The following CLDN14 variants were observed in gnomAD, a reference collection of about 807,000 sequenced individuals.
CLDN14 encodes the protein claudin-14.
In CLDN14, 2 loss-of-function variants were observed where a neutral mutation model predicts 2.1. That is an observed-to-expected ratio of 0.96 (90% CI 0.39 to 3.01). The LOEUF (loss-of-function observed/expected upper bound fraction) is 3.01, where lower values mean the gene tolerates loss of function less well. CLDN14 is among the 30% of genes most tolerant of loss of function. The pLI, the probability that CLDN14 is intolerant of heterozygous loss-of-function variation, is 0.09. For missense variants in CLDN14, 298 were observed against 328.0 expected (o/e 0.91, Z 0.71); for synonymous variants, 136 against 154.4 (o/e 0.88, Z 0.88).
chr21:36,505,011 C>A (rs1010625989), intron 2 of CLDN14, among the ~76,000 whole-genome samples: 1 of 152,102 alleles, frequency 6.6e-6, no homozygotes, highest in Non-Finnish European at 1.5e-5. Flanking sequence ...ATTTTCCCTG[C>A]TGGGTGAGAA....
At chr21:36,503,741 A>C (rs1695295460) in intron 2 of CLDN14, among the ~76,000 whole-genome samples, 1 of 152,224 alleles carries the variant, frequency 6.6e-6, no homozygotes, top group Admixed American at 6.5e-5. Context: ...TCTGATTAAT[A>C]TCAATGCATT....
chr21:36,464,982 C>A (rs1228245095), intron 1 of CLDN14, among the ~76,000 whole-genome samples: 1 of 152,198 alleles, frequency 6.6e-6, no homozygotes, highest in Non-Finnish European at 1.5e-5. Context: ...AATGGCCTTG[C>A]CCCTTTTGCA....
chr21:36,466,275 G>C (rs1195502456), intron 1 of CLDN14: 2 of 152,358 alleles, frequency 1.3e-5, no homozygotes, highest in East Asian at 3.9e-4. Flanking sequence ...TGGTGAGATA[G>C]AGTGGGTTGC....
In CLDN14 at chr21:36,498,073, C is replaced by G. The variant is rs1180360396; in HGVS notation, c.-82+12290G>C. 3.3e-5 allele frequency among the ~76,000 whole-genome samples: 5 copies of G among 151,612 alleles called. No individual in the cohort carries two copies. Among genetic ancestry groups the G allele is most frequent in the Non-Finnish European group, 7.4e-5 (5 of 67,956 alleles). On this transcript the variant is annotated intron_variant, in intron 2 of 2. Coordinates refer to the CLDN14 transcript ENST00000342108. The surrounding 1 kb of genome is among the most constrained non-coding windows in gnomAD (Gnocchi z 4.9). ...GGAGTGCAGTGGTGCAATCTTGGCT[C>G]ACTGCAACCTCCACCGCCCGGGGTT... is the stretch of plus-strand genomic sequence containing the variant.
chr21:36,487,368 T>A (rs1412037151), intron 2 of CLDN14: 2 of 214,006 alleles, frequency 9.3e-6, no homozygotes, highest in African/African-American at 4.7e-5. Flanking sequence ...ATTCTGCACA[T>A]ACTCACTGTT....
chr21:36,486,304 G>T, intron 2 of CLDN14: 1 of 802,382 alleles, frequency 1.2e-6, no homozygotes, highest in East Asian at 2.5e-5. Flanking sequence ...AACTCTTGTT[G>T]GCTAATGGTC....
intron 2 of CLDN14, among the ~76,000 whole-genome samples, chr21:36,505,154 G>A (rs2087121223): frequency 6.6e-6 from 1 of 152,194 alleles, no homozygotes; most frequent in African/African-American, 2.4e-5. Context: ...TGGACAGTAA[G>A]TATCTCAAAA....
At position 36,461,436 on chromosome 21, in the gene CLDN14, G is replaced by C. The variant is rs777529810; in HGVS notation, c.260C>G (p.Ser87Cys). Residue 87 changes from serine (S) to cysteine (C), a missense_variant, in exon 2 of 2, where the codon TCC becomes TGC. By Grantham distance (112) the Ser-to-Cys change is moderately radical. Coordinates refer to ENST00000399135, the MANE Select transcript of CLDN14 (RefSeq NM_001146079.2). ...LQAARALMVI[S>C]CLLSGIACAC... ...GCAGGCTATGCCCGAGAGCAGGCAG[G>C]AGATGACCATGAGGGCGCGGGCAGC... 6.2e-7 allele frequency: 1 copy of C among 1,613,372 alleles called. No homozygotes were observed.
At chr21:36,536,230 C>T (rs1198098835) in intron 1 of CLDN14, among the ~76,000 whole-genome samples, 3 of 152,222 alleles carry the variant, frequency 2.0e-5, no homozygotes, top group African/African-American at 7.2e-5. Flanking sequence ...CAGCTGACAT[C>T]TGCCTGTACC....
At chr21:36,534,565 G>A (rs927577548) in intron 1 of CLDN14, among the ~76,000 whole-genome samples, 2 of 152,122 alleles carry the variant, frequency 1.3e-5, no homozygotes, top group Non-Finnish European at 2.9e-5. Flanking sequence ...TGGGGTGAGC[G>A]GGCAATAAGG....
intron 2 of CLDN14, among the ~76,000 whole-genome samples, chr21:36,497,417 G>C (rs1176596487): frequency 5.8e-4 from 76 of 130,202 alleles, no homozygotes; most frequent in African/African-American, 2.1e-3. Context: ...GAGGGAGGAA[G>C]GGAGGGAGGC....
chr21:36,541,187 A>G (rs973949174), intron 1 of CLDN14, among the ~76,000 whole-genome samples: 7 of 152,238 alleles, frequency 4.6e-5, no homozygotes, highest in African/African-American at 1.7e-4. Context: ...AGAGTTCTTC[A>G]TCTTCTGCAG....
intron 2 of CLDN14, chr21:36,486,967 T>G: frequency 2.2e-6 from 1 of 448,536 alleles, no homozygotes. Flanking sequence ...GTTCTCAGGG[T>G]TGCTGTGGAT....
chr21:36,486,525 CT>C, intron 2 of CLDN14: 1 of 1,564,668 alleles, frequency 6.4e-7, no homozygotes, highest in Non-Finnish European at 8.8e-7. Flanking sequence ...ATGGCACCCC[CT>C]TCCCCAGCCA....
At position 36,544,901 on chromosome 21, in the gene CLDN14, A is replaced by G. The variant is rs1484125345; in HGVS notation, c.-220+31510T>C. Among the ~76,000 whole-genome samples, 2 of 152,250 alleles carry G rather than the reference A, an allele frequency of 1.3e-5. No individual in the cohort carries two copies. The highest frequency in any genetic ancestry group is 4.8e-5 in the African/African-American group (2 of 41,466). ...AAAACCACAATGCTCTCTGTTATTA[A>G]TCCTGGCTACTGCAGCGGGTGCCAA... On this transcript the variant is annotated intron_variant, in intron 1 of 2. Coordinates refer to the CLDN14 transcript ENST00000342108. This position sits in a 1 kb window ranked among gnomAD's most constrained non-coding sequence, Gnocchi z 4.1.
At chr21:36,568,715 A>G (rs1036667195) in intron 1 of CLDN14, among the ~76,000 whole-genome samples, 6 of 152,096 alleles carry the variant, frequency 3.9e-5, no homozygotes, top group African/African-American at 7.2e-5. Flanking sequence ...ACAGAGTGAG[A>G]CCCTGTCCCA....
chr21:36,517,856 A>G (rs1206635016), intron 1 of CLDN14, among the ~76,000 whole-genome samples: 1 of 152,162 alleles, frequency 6.6e-6, no homozygotes, highest in African/African-American at 2.4e-5. Flanking sequence ...GCGCTCCCTA[A>G]TGTGGGTGGG....
intron 1 of CLDN14, among the ~76,000 whole-genome samples, chr21:36,556,130 C>T (rs907753712): frequency 3.3e-5 from 5 of 152,136 alleles, no homozygotes; most frequent in African/African-American, 1.2e-4. Context: ...CAGCTCACCT[C>T]GGGGACCCTT....
At chr21:36,481,784 C>T (rs1014633831), upstream of CLDN14, among the ~76,000 whole-genome samples, 1 of 152,138 alleles carries the variant, frequency 6.6e-6, no homozygotes, top group African/African-American at 2.4e-5. Flanking sequence ...GACCAGAGGG[C>T]AAAGTCACAG....
Sources: gnomAD v4.1 joint callset for allele counts (sites outside exome capture counted in the v4.1 genomes callset) on GRCh38, gnomAD v4.1.1 for gene constraint, Gnocchi (gnomAD v3.1) non-coding constraint, MANE v1.5 for transcripts, NCBI Gene and HGNC (gene_info 2026-07-23, HGNC 2026-07-21) for gene names.